Variants in PUS10 observed in about 807,000 individuals in gnomAD.
PUS10 encodes the protein pseudouridine synthase 10, also known as tRNA pseudouridine synthase Pus10.
Under a neutral mutation model 75.0 loss-of-function variants are expected in PUS10, and 59 were observed. The observed-to-expected ratio is 0.79, with a 90% CI of 0.64 to 0.98. The LOEUF (loss-of-function observed/expected upper bound fraction) is 0.98, where lower values mean the gene tolerates loss of function less well. Among genes scored for constraint, PUS10 ranks in the 50% least tolerant of loss-of-function variants. The pLI is 0.00. For synonymous variants in PUS10, 219 were observed against 211.6 expected (o/e 1.03, Z -0.30); for missense variants, 650 against 614.4 (o/e 1.06, Z -0.61).
At chr2:61,010,844 A>T in intron 2 of PUS10, 1 of 1,550,466 alleles carries the variant, frequency 6.4e-7, no homozygotes, top group Non-Finnish European at 8.7e-7. Context: ...TAGCTGTGTA[A>T]CTTTGGGCAG....
intron 4 of PUS10, among the ~76,000 whole-genome samples, chr2:60,978,421 TAA>T (rs71398605): frequency 1.1e-4 from 11 of 99,394 alleles, no homozygotes; most frequent in East Asian, 2.7e-4. Flanking sequence ...GACTCCATCT[TAA>T]AAAAAAAAAA....
chr2:61,017,726 G>C (rs1680097498), intron 1 of PUS10: 1 of 1,529,738 alleles, frequency 6.5e-7, no homozygotes, highest in Non-Finnish European at 8.9e-7. Context: ...GGACAGTCAG[G>C]GGTAGGAGCG....
intron 1 of PUS10, among the ~76,000 whole-genome samples, chr2:61,013,480 T>C (rs1342031019): frequency 1.3e-5 from 2 of 152,244 alleles, no homozygotes; most frequent in Non-Finnish European, 1.5e-5. Context: ...CATACTTTGA[T>C]GAACCTAAGC....
At chr2:60,986,321 A>C (rs1677723531) in intron 4 of PUS10, among the ~76,000 whole-genome samples, 1 of 152,228 alleles carries the variant, frequency 6.6e-6, no homozygotes, top group African/African-American at 2.4e-5. Context: ...ATTTGAATGT[A>C]ATAAAACTAC....
chr2:60,967,752 A>G (rs1021054177), intron 5 of PUS10, 139 bp from the exon 6 acceptor site: 2 of 549,244 alleles, frequency 3.6e-6, no homozygotes, highest in Non-Finnish European at 6.3e-6. Flanking sequence ...TTAAATAGAA[A>G]GCAGAGAACA....
At chr2:60,992,428 C>A (rs2104572198) in intron 4 of PUS10, among the ~76,000 whole-genome samples, 1 of 152,288 alleles carries the variant, frequency 6.6e-6, no homozygotes, top group East Asian at 1.9e-4. Flanking sequence ...CATGCCCACT[C>A]CACAACAGGT....
intron 1 of PUS10, among the ~76,000 whole-genome samples, chr2:61,014,466 T>C (rs1679838496): frequency 6.6e-6 from 1 of 152,196 alleles, no homozygotes; most frequent in Non-Finnish European, 1.5e-5. Context: ...TTTGCTTAAA[T>C]TGCCAATTTT....
At chr2:60,986,139 G>C (rs1677711508) in intron 4 of PUS10, among the ~76,000 whole-genome samples, 1 of 151,998 alleles carries the variant, frequency 6.6e-6, no homozygotes, top group South Asian at 2.1e-4. Context: ...TGCTTTAAAT[G>C]TTTTAAAAAA....
chr2:60,970,514 T>A (rs10153894), intron 5 of PUS10, among the ~76,000 whole-genome samples: 291 of 152,252 alleles, frequency 1.9e-3, no homozygotes, highest in African/African-American at 5.8e-3. Context: ...TTAAAAAAAA[T>A]TTTTAAATTC....
chr2:60,972,146 G>A (rs538758195), intron 4 of PUS10, among the ~76,000 whole-genome samples: 4 of 141,798 alleles, frequency 2.8e-5, no homozygotes, highest in Admixed American at 6.9e-5. Context: ...TGGGATTACA[G>A]GCGTGAGCCA....
intron 4 of PUS10, among the ~76,000 whole-genome samples, chr2:60,981,314 G>A (rs1405575066): frequency 3.3e-5 from 5 of 151,100 alleles, no homozygotes; most frequent in East Asian, 4.0e-4. Context: ...ACTGAGTCTC[G>A]CTCTGTCACC....
intron 4 of PUS10, among the ~76,000 whole-genome samples, chr2:60,987,589 T>C (rs904371484): frequency 2.8e-4 from 42 of 152,280 alleles, no homozygotes; most frequent in African/African-American, 1.0e-3. Flanking sequence ...TGATGAGCTA[T>C]TCATATATCA....
At chr2:61,016,763 C>T (rs1264053475) in intron 1 of PUS10, among the ~76,000 whole-genome samples, 1 of 152,084 alleles carries the variant, frequency 6.6e-6, no homozygotes, top group South Asian at 2.1e-4. Flanking sequence ...AGAAAAGGGG[C>T]AGGGTATAAG....
At chr2:60,977,020 TTTAAC>T (rs1677073792) in intron 4 of PUS10, among the ~76,000 whole-genome samples, 1 of 152,174 alleles carries the variant, frequency 6.6e-6, no homozygotes, top group Admixed American at 6.5e-5. Flanking sequence ...CTGGACTATG[TTTAAC>T]TTTATTGGAG....
intron 1 of PUS10, chr2:61,017,015 C>G (rs889350774): frequency 8.5e-5 from 13 of 152,310 alleles, no homozygotes; most frequent in African/African-American, 2.9e-4. Flanking sequence ...AAGCCCTTCC[C>G]CCTTCGGTCA....
chr2:60,984,860 C>T (rs1378408163), intron 4 of PUS10, among the ~76,000 whole-genome samples: 1 of 152,020 alleles, frequency 6.6e-6, no homozygotes, highest in African/African-American at 2.4e-5. Context: ...GCAGTACATG[C>T]AGGTATACGT....
chr2:60,945,872 A>G (rs1473031473), intron 16 of PUS10, among the ~76,000 whole-genome samples: 1 of 152,222 alleles, frequency 6.6e-6, no homozygotes, highest in Non-Finnish European at 1.5e-5. Flanking sequence ...ATTTGGTAAA[A>G]ATGCAGCATT....
intron 1 of PUS10, among the ~76,000 whole-genome samples, chr2:61,016,236 G>C (rs1679967529): frequency 6.6e-6 from 1 of 152,136 alleles, no homozygotes; most frequent in African/African-American, 2.4e-5. Context: ...GTAATTTGAA[G>C]AGGTCTAAAA....
In PUS10 at chr2:60,972,060, G is replaced by C. The variant is rs369682559; in HGVS notation, c.469-503C>G. Among the ~76,000 whole-genome samples the C allele has an allele frequency of 1.5e-3, 229 of 148,638 alleles. 2 individuals carry two copies. The highest frequency in any genetic ancestry group is 5.0e-3 in the African/African-American group (205 of 40,850). ...TAACTTGTGTTTTTAGTAGAGACGG[G>C]TTTTCACCATGTTGGCCAGGCTGGT... On this transcript the variant is annotated intron_variant, in intron 4 of 17. Coordinates refer to ENST00000316752, the MANE Select transcript of PUS10 (RefSeq NM_144709.4).
Sources: gnomAD v4.1 joint callset for allele counts (sites outside exome capture counted in the v4.1 genomes callset) on GRCh38, gnomAD v4.1.1 for gene constraint, MANE v1.5 for transcripts, NCBI Gene and HGNC (gene_info 2026-07-23, HGNC 2026-07-21) for gene names.